The following EHD2 variants were observed in gnomAD, a reference collection of about 807,000 sequenced individuals.
EHD2 encodes EH domain containing 2, also known as EH domain-containing protein 2.
In EHD2, 27 loss-of-function variants were observed where a neutral mutation model predicts 41.0. That is an observed-to-expected ratio of 0.66 (90% confidence interval 0.49 to 0.91). The LOEUF is 0.91. EHD2 is among the 40% of genes least tolerant of loss of function. EHD2 has a pLI of 0.00. For synonymous variants in EHD2, 342 were observed against 341.0 expected, an observed-to-expected ratio of 1.00 and a Z score of -0.03; for missense variants, 673 against 773.9, an observed-to-expected ratio of 0.87 and a Z score of 1.55.
intron 3 of EHD2, among the ~76,000 whole-genome samples, chr19:47,721,500 G>C (rs1973696568): frequency 6.6e-6 from 1 of 151,714 alleles, no homozygotes; most frequent in Non-Finnish European, 1.5e-5. Flanking sequence ...ATTTTTAGTA[G>C]AGACGGGGTT....
chr19:47,740,170 A>G (rs1966970123), intron 5 of EHD2, among the ~76,000 whole-genome samples: 1 of 152,180 alleles, frequency 6.6e-6, no homozygotes, highest in Non-Finnish European at 1.5e-5. Context: ...GTTCGAGACC[A>G]GCCTGGGCAA....
At chr19:47,713,723 C>T (rs527315821) in intron 1 of EHD2, among the ~76,000 whole-genome samples, 185 bp downstream of exon 1, 1 of 151,792 alleles carries the variant, frequency 6.6e-6, no homozygotes, top group East Asian at 1.9e-4. Flanking sequence ...CCACTCCTCC[C>T]ACTCTTCCTC....
chr19:47,718,486 C>T (rs915609837), intron 2 of EHD2, 23 bp from the exon 3 acceptor site: 44 of 1,555,942 alleles, frequency 2.8e-5, no homozygotes, highest in Non-Finnish European at 3.7e-5. Context: ...CCTGTTGACC[C>T]CTGACCCTCC....
chr19:47,724,752 C>T (rs192642802), intron 3 of EHD2, among the ~76,000 whole-genome samples: 58 of 152,112 alleles, frequency 3.8e-4, no homozygotes, highest in South Asian at 1.7e-3. Context: ...GTAAGTATTG[C>T]TAAATAAATG....
At position 47,741,343 on chromosome 19, in the gene EHD2, G is replaced by A. The variant is rs1471211513; in HGVS notation, c.1543G>A (p.Ala515Thr). ...CGCGCTGGCCAGCCACCTCATCGAG[G>A]CCAAGCTGGAAGGCCACGGGCTGCC... ...EFALASHLIE[A>T]KLEGHGLPAN... Residue 515 changes from alanine (A) to threonine (T), a missense_variant, in exon 6 of 6, where the codon GCC becomes ACC. By Grantham distance (58) the Ala-to-Thr change is moderately conservative. Coordinates refer to ENST00000263277, the MANE Select transcript of EHD2 (RefSeq NM_014601.4). The surrounding 1 kb of genome is among the most constrained non-coding windows in gnomAD (Gnocchi z 4.5). 1.2e-6 allele frequency: 2 copies of A among 1,611,854 alleles called. No homozygotes were observed. The highest frequency in any genetic ancestry group is 1.7e-6 in the Non-Finnish European group (2 of 1,179,804).
In EHD2 at chr19:47,726,119, C is replaced by G. The variant is rs1208920033; in HGVS notation, c.810C>G (p.Leu270=). The change falls in exon 4 of 6, where the codon CTC becomes CTG. Residue 270 remains leucine (L), a synonymous_variant. Transcript: ENST00000263277. ...TCCTCGTGCCCGACAACCGGCGCCTCTTCGAGCTGGAGGAGCAGGACCTCT... is the reference window on the plus strand; with the variant it reads ...TCCTCGTGCCCGACAACCGGCGCCTGTTCGAGCTGGAGGAGCAGGACCTCT... The part of the protein sequence containing the change: ...QPLLVPDNRR[L]FELEEQDLFR... The G allele has an allele frequency of 2.5e-6, 4 of 1,576,518 alleles. No homozygotes were observed. Among genetic ancestry groups the G allele is most frequent in the East Asian group, 2.3e-5 (1 of 42,932 alleles).
At position 47,734,196 on chromosome 19, in the gene EHD2, G is replaced by A. The variant is rs146878271; in HGVS notation, c.916-2173G>A. 1.5e-3 allele frequency among the ~76,000 whole-genome samples: 223 copies of A among 152,154 alleles called. 2 individuals carry two copies. Among genetic ancestry groups the A allele is most frequent in the African/African-American group, 5.0e-3 (208 of 41,512 alleles). ...ATGAGAAGCAGGGGAGAGGCTGGGC[G>A]TAGTAGCGGGTGCCTGTAGTCCCAG... On this transcript the variant is annotated intron_variant, in intron 4 of 5. Coordinates refer to ENST00000263277, the MANE Select transcript of EHD2 (RefSeq NM_014601.4).
chr19:47,727,263 C>T (rs926434160), intron 4 of EHD2, among the ~76,000 whole-genome samples: 10 of 151,980 alleles, frequency 6.6e-5, no homozygotes, highest in Non-Finnish European at 1.2e-4. Flanking sequence ...CACCACCATG[C>T]CCGGCTAATT....
intron 4 of EHD2, among the ~76,000 whole-genome samples, chr19:47,731,785 A>ATTTTT (rs35766063): frequency 1.4e-4 from 16 of 112,822 alleles, no homozygotes; most frequent in African/African-American, 4.4e-4. Context: ...GATATACTGC[A>ATTTTT]TTTTTTTTTT....
chr19:47,713,706 A>C (rs1292879028), intron 1 of EHD2, among the ~76,000 whole-genome samples, 168 bp downstream of exon 1: 2 of 87,902 alleles, frequency 2.3e-5, no homozygotes, highest in Non-Finnish European at 4.7e-5. Context: ...CATGTCCCCC[A>C]CTCTTCCCAC....
rs1295651869 is a variant in EHD2, at chr19:47,719,969, T to A, written c.502+1363T>A. ...ATATGTGTGTGTGTGTGTGTGTGTG[T>A]GACTTTGTGTATATCTTGGGAAAGT... On this transcript the variant is annotated intron_variant, in intron 3 of 5. Coordinates refer to ENST00000263277, the MANE Select transcript of EHD2 (RefSeq NM_014601.4). The surrounding 1 kb of genome is among the most constrained non-coding windows in gnomAD (Gnocchi z 4.1). 7.1e-5 allele frequency among the ~76,000 whole-genome samples: 8 copies of A among 112,962 alleles called. No individual in the cohort carries two copies. Among genetic ancestry groups the A allele is most frequent in the Non-Finnish European group, 1.4e-4 (8 of 56,224 alleles). 74.1% of individuals were successfully genotyped at this position (112,962 alleles called of 152,430 possible). A position where few individuals can be genotyped will look rare whatever the true frequency, so the allele number is the denominator to read the frequency against.
chr19:47,718,645 G>GC, intron 3 of EHD2, 39 bp downstream of exon 3: 3 of 1,521,132 alleles, frequency 2.0e-6, no homozygotes, highest in South Asian at 2.4e-5. Context: ...GGGAGGAGGG[G>GC]CTGGGGCCTG....
At chr19:47,724,292 C>T (rs1973727478) in intron 3 of EHD2, among the ~76,000 whole-genome samples, 1 of 151,962 alleles carries the variant, frequency 6.6e-6, no homozygotes, top group Admixed American at 6.6e-5. Flanking sequence ...CTCCTGGCCT[C>T]AATTGATCTG....
chr19:47,721,645 G>A (rs1197834848), intron 3 of EHD2, among the ~76,000 whole-genome samples: 1 of 151,886 alleles, frequency 6.6e-6, no homozygotes, highest in African/African-American at 2.4e-5. Flanking sequence ...TGGGACCTTA[G>A]GCAAGCCACT....
At chr19:47,739,340 C>T (rs1966960442) in intron 5 of EHD2, among the ~76,000 whole-genome samples, 1 of 140,668 alleles carries the variant, frequency 7.1e-6, no homozygotes, top group African/African-American at 2.6e-5. Context: ...GTGGCTCATG[C>T]CTGTAATCCC....
rs1966995731 is a variant in EHD2, at chr19:47,741,991, T to C, written c.*559T>C. ...CAGCCAGGCAACACCCTCAACCGGC[T>C]CCATCACATCCTCAGGTCTCGGGAC... On this transcript the variant is annotated 3_prime_UTR_variant, in exon 6 of 6. Coordinates refer to ENST00000263277, the MANE Select transcript of EHD2 (RefSeq NM_014601.4). The surrounding 1 kb of genome is among the most constrained non-coding windows in gnomAD (Gnocchi z 4.5). 1 of 454,880 alleles carries C rather than the reference T, an allele frequency of 2.2e-6. No homozygotes were observed. Among genetic ancestry groups the C allele is most frequent in the Admixed American group, 2.4e-5 (1 of 42,260 alleles). The allele number at this position is 454,880 out of a possible 1,614,324, so 28.2% of individuals were successfully genotyped here. A position where few individuals can be genotyped will look rare whatever the true frequency, so the allele number is the denominator to read the frequency against.
At chr19:47,725,276 C>T (rs1231099016) in intron 3 of EHD2, among the ~76,000 whole-genome samples, 14 of 151,492 alleles carry the variant, frequency 9.2e-5, no homozygotes, top group South Asian at 2.1e-4. Context: ...TGAGGCTGGG[C>T]GCGGTGGCCC....
At chr19:47,731,889 G>A (rs969887301) in intron 4 of EHD2, among the ~76,000 whole-genome samples, 7 of 146,924 alleles carry the variant, frequency 4.8e-5, no homozygotes, top group South Asian at 2.2e-4. Context: ...CCGGGTTCAC[G>A]CCATTCTCCT....
Position 47,726,159 on chromosome 19 carries a change from G to A in EHD2, c.850G>A (p.Gly284Ser), listed in dbSNP as rs769953115. ...EEQDLFRDIQ[G>S]LPRHAALRKL... ...GCAGGACCTCTTCCGCGACATCCAG[G>A]GCCTGCCCCGGCACGCAGCCTTGCG... Residue 284 changes from glycine (G) to serine (S), a missense_variant, in exon 4 of 6, where the codon GGC becomes AGC. Coordinates refer to ENST00000263277, the MANE Select transcript of EHD2 (RefSeq NM_014601.4). The A allele has an allele frequency of 1.3e-6, 2 of 1,577,346 alleles. No individual in the cohort carries two copies. Among genetic ancestry groups the A allele is most frequent in the Non-Finnish European group, 1.7e-6 (2 of 1,163,200 alleles).
Sources: gnomAD v4.1 joint callset for allele counts (sites outside exome capture counted in the v4.1 genomes callset) on GRCh38, gnomAD v4.1.1 for gene constraint, Gnocchi (gnomAD v3.1) non-coding constraint, MANE v1.5 for transcripts, NCBI Gene and HGNC (gene_info 2026-07-23, HGNC 2026-07-21) for gene names.